STK4: variants seen among roughly 807,000 people sequenced by gnomAD.
STK4 encodes the protein serine/threonine-protein kinase 4.
Under a neutral mutation model 64.9 loss-of-function variants are expected in STK4, and 30 were observed. That is an observed-to-expected ratio of 0.46 (90% CI 0.35 to 0.63). The LOEUF is 0.63. Among genes scored for constraint, STK4 ranks in the 20% least tolerant of loss-of-function variants. The probability of loss-of-function intolerance (pLI) is 0.01; values close to 1 mark genes in which losing one functional copy is unlikely to be tolerated. For missense variants in STK4, 466 were observed against 598.5 expected, an observed-to-expected ratio of 0.78 and a Z score of 2.31; for synonymous variants, 177 against 199.0, an observed-to-expected ratio of 0.89 and a Z score of 0.93.
intron 7 of STK4, among the ~76,000 whole-genome samples, chr20:44,998,436 A>G (rs2067773852): frequency 6.6e-6 from 1 of 152,348 alleles, no homozygotes; most frequent in East Asian, 1.9e-4. Context: ...TGAAGACAGT[A>G]TGGTATGAAC....
intron 9 of STK4, among the ~76,000 whole-genome samples, chr20:45,009,841 T>C (rs1490812648): frequency 6.6e-6 from 1 of 152,154 alleles, no homozygotes; most frequent in African/African-American, 2.4e-5. Context: ...TGGCCATTGT[T>C]TGTGTATAGA....
chr20:45,006,085 T>C (rs1478632464), intron 9 of STK4, among the ~76,000 whole-genome samples: 4 of 151,812 alleles, frequency 2.6e-5, no homozygotes, highest in African/African-American at 9.7e-5. Context: ...TGTTGGATTT[T>C]TTTTTTCCTT....
intron 7 of STK4, among the ~76,000 whole-genome samples, chr20:44,999,689 A>G (rs1009465737): frequency 5.3e-5 from 8 of 152,234 alleles, no homozygotes; most frequent in Non-Finnish European, 1.0e-4. Context: ...ATTGAATAAT[A>G]TTTGGGTCAA....
At chr20:45,006,319 C>T (rs995919425) in intron 9 of STK4, among the ~76,000 whole-genome samples, 1 of 150,610 alleles carries the variant, frequency 6.6e-6, no homozygotes, top group African/African-American at 2.4e-5. Context: ...CCAGGCAGGT[C>T]TTGAACTCCT....
At chr20:45,054,182 G>A (rs1005637008) in intron 10 of STK4, among the ~76,000 whole-genome samples, 2 of 152,116 alleles carry the variant, frequency 1.3e-5, no homozygotes, top group Non-Finnish European at 2.9e-5. Flanking sequence ...ACTGCTGTCC[G>A]TGCTTCATTC....
chr20:45,063,307 A>C (rs1215002212), intron 10 of STK4, among the ~76,000 whole-genome samples: 1 of 151,892 alleles, frequency 6.6e-6, no homozygotes, highest in Non-Finnish European at 1.5e-5. Flanking sequence ...ACCTGGCCTC[A>C]TTGTGGTTTT....
chr20:45,045,301 A>G (rs2068675924), intron 10 of STK4, among the ~76,000 whole-genome samples: 1 of 152,178 alleles, frequency 6.6e-6, no homozygotes, highest in Non-Finnish European at 1.5e-5. Context: ...ATCCTCTTAT[A>G]GTTTGAGGAA....
At chr20:44,980,375 C>T (rs981170532) in intron 3 of STK4, among the ~76,000 whole-genome samples, 2 of 152,174 alleles carry the variant, frequency 1.3e-5, no homozygotes, top group African/African-American at 4.8e-5. Context: ...TTGGTTTTAA[C>T]ATCAGTTGTT....
chr20:45,054,536 T>G (rs2145445002), intron 10 of STK4, among the ~76,000 whole-genome samples: 1 of 137,410 alleles, frequency 7.3e-6, no homozygotes, highest in South Asian at 2.3e-4. Flanking sequence ...CACTCTAGCC[T>G]GGGCAACAGT....
chr20:44,967,275 G>A, intron 1 of STK4: 1 of 971,832 alleles, frequency 1.0e-6, no homozygotes, highest in Non-Finnish European at 1.2e-6. Flanking sequence ...TTGGGAGGTA[G>A]GTAAGGAAAT....
chr20:45,024,914 T>C, intron 9 of STK4, 59 bp from the exon 10 acceptor site: 1 of 1,446,132 alleles, frequency 6.9e-7, no homozygotes, highest in Non-Finnish European at 9.1e-7. Context: ...TGTCTATTTA[T>C]TAAACTTACC....
intron 6 of STK4, among the ~76,000 whole-genome samples, chr20:44,996,092 T>C (rs778436296): frequency 6.6e-6 from 1 of 152,150 alleles, no homozygotes; most frequent in Admixed American, 6.5e-5. Context: ...CCCAGCCTTG[T>C]TCATTTTTTA....
chr20:45,032,726 G>A (rs1193834989), intron 10 of STK4, among the ~76,000 whole-genome samples: 3 of 152,108 alleles, frequency 2.0e-5, no homozygotes, highest in Non-Finnish European at 2.9e-5. Context: ...GTACTGCAGC[G>A]AACACAACAC....
intron 10 of STK4, among the ~76,000 whole-genome samples, chr20:45,050,485 C>A (rs146911123): frequency 1.2e-3 from 182 of 152,240 alleles, no homozygotes; most frequent in African/African-American, 4.3e-3. Flanking sequence ...GAATTAATTC[C>A]TGCAGTAGAA....
intron 9 of STK4, among the ~76,000 whole-genome samples, chr20:45,014,297 G>GT (rs11481207): frequency 0.067 from 10,164 of 151,866 alleles, 1,117 homozygotes; most frequent in African/African-American, 0.23. Flanking sequence ...GTAGTGGGGC[G>GT]TGCCTGTAAT....
At position 45,001,314 on chromosome 20, in the gene STK4, A is replaced by G; in HGVS notation, c.1108A>G (p.Ile370Val). 2 of 1,614,132 alleles carry G rather than the reference A, an allele frequency of 1.2e-6. No homozygotes were observed. The highest frequency in any genetic ancestry group is 8.5e-7 in the Non-Finnish European group (1 of 1,179,966). ...TLPSQLGTMV[I>V]NAEDEEEEGT... Reference sequence around the variant, plus strand: ...GCCATCACAACTGGGCACCATGGTGATCAATGCAGAGGATGAGGAAGAGGA... The same window carrying G: ...GCCATCACAACTGGGCACCATGGTGGTCAATGCAGAGGATGAGGAAGAGGA... Residue 370 changes from isoleucine to valine, a missense_variant, in exon 9 of 11, where the codon ATC becomes GTC. By Grantham distance (29) the Ile-to-Val change is conservative (BLOSUM62 3). Transcript: ENST00000372806.
chr20:45,000,345 T>C, intron 7 of STK4, 47 bp from the exon 8 acceptor site: 2 of 1,586,664 alleles, frequency 1.3e-6, no homozygotes, highest in Middle Eastern at 3.4e-4. Context: ...GTTTTGGCAC[T>C]GTCACCATAT....
intron 7 of STK4, among the ~76,000 whole-genome samples, chr20:44,998,284 G>C (rs1487730415): frequency 6.6e-6 from 1 of 152,136 alleles, no homozygotes; most frequent in Admixed American, 6.5e-5. Context: ...CAATTTACTA[G>C]CTTTGTGATC....
At chr20:44,991,612 C>T (rs1040167545) in intron 5 of STK4, among the ~76,000 whole-genome samples, 1 of 151,740 alleles carries the variant, frequency 6.6e-6, no homozygotes. Flanking sequence ...TATAAAAATT[C>T]GTTTGTAAAT....
Sources: gnomAD v4.1 joint callset for allele counts (sites outside exome capture counted in the v4.1 genomes callset) on GRCh38, gnomAD v4.1.1 for gene constraint, MANE v1.5 for transcripts, NCBI Gene and HGNC (gene_info 2026-07-23, HGNC 2026-07-21) for gene names.